EMC4: variants seen among roughly 807,000 people sequenced by gnomAD.
EMC4 encodes cell proliferation-inducing gene 17 protein.
EMC4 carries 9 observed loss-of-function variants against 24.2 expected under a neutral mutation model. The observed-to-expected ratio is 0.37, with a 90% confidence interval of 0.22 to 0.65. The LOEUF is 0.65. Among genes scored for constraint, EMC4 ranks in the 30% least tolerant of loss-of-function variants. The probability of loss-of-function intolerance (pLI) is 0.59; values close to 1 mark genes in which losing one functional copy is unlikely to be tolerated. For missense variants in EMC4, 169 were observed against 234.6 expected, an observed-to-expected ratio of 0.72 and a Z score of 1.83; for synonymous variants, 86 against 81.1, an observed-to-expected ratio of 1.06 and a Z score of -0.32.
Position 34,225,151 on chromosome 15 carries a change from C to T in EMC4, c.37C>T (p.Arg13Trp), listed in dbSNP as rs1890615647. 2 of 1,551,554 alleles carry T rather than the reference C, an allele frequency of 1.3e-6. No homozygotes were observed. The highest frequency in any genetic ancestry group is 1.7e-6 in the Non-Finnish European group (2 of 1,146,938). ...GGGGGGCCTGGTGGCTAACCGAGGCCGGCGCTTCAAGTGGGCCATTGAGCT... is the reference window on the plus strand; with the variant it reads ...GGGGGGCCTGGTGGCTAACCGAGGCTGGCGCTTCAAGTGGGCCATTGAGCT... Reference protein sequence around the residue: ...AQGGLVANRGRRFKWAIELSG... With the variant: ...AQGGLVANRGWRFKWAIELSG... The change falls in exon 1 of 5, where the codon CGG becomes TGG. Residue 13 changes from arginine to tryptophan, a missense_variant. Transcript: ENST00000267750.
chr15:34,227,526 C>T, intron 2 of EMC4, 167 bp from the exon 3 acceptor site: 1 of 615,478 alleles, frequency 1.6e-6, no homozygotes, highest in Non-Finnish European at 2.9e-6. Flanking sequence ...AGTAGGAGAG[C>T]CTTCCTGTGG....
chr15:34,226,545 T>A (rs2140593129), intron 2 of EMC4: 1 of 152,288 alleles, frequency 6.6e-6, no homozygotes, highest in African/African-American at 2.4e-5. Flanking sequence ...TGCCATTACT[T>A]TTTTTCTTTT....
At chr15:34,229,551 T>A in intron 4 of EMC4, 1 of 529,900 alleles carries the variant, frequency 1.9e-6, no homozygotes, top group East Asian at 3.3e-5. Flanking sequence ...CAGGCTGGTC[T>A]TGAACTCCTG....
chr15:34,228,624 G>A (rs1400345633), intron 4 of EMC4, 35 bp downstream of exon 4: 1 of 1,534,328 alleles, frequency 6.5e-7, no homozygotes, highest in South Asian at 1.2e-5. Flanking sequence ...TTGGGTAGTT[G>A]TAGTATACAG....
At chr15:34,228,044 G>T (rs772586119) in intron 3 of EMC4, 198 bp downstream of exon 3, 3 of 511,858 alleles carry the variant, frequency 5.9e-6, no homozygotes, top group East Asian at 3.5e-5. Context: ...TTAGCTGGGC[G>T]TGGTGGCACA....
intron 2 of EMC4, chr15:34,226,919 A>C (rs1176430220): frequency 2.0e-5 from 3 of 152,176 alleles, no homozygotes; most frequent in African/African-American, 7.2e-5. Flanking sequence ...TAAGGTTATA[A>C]ATTTCTCAGA....
rs1288781071 is a variant in EMC4 at position 34,227,780 on chromosome 15, T to C, written c.289T>C (p.Phe97Leu). ...CATGGCAGGCAATACTATCTCCATC[T>C]TCCCTACTATGATGGTGTGTATGAT... ...MYMAGNTISI[F>L]PTMMVCMMAW... Residue 97 changes from phenylalanine to leucine, a missense_variant, in exon 3 of 5, where the codon TTC becomes CTC. Coordinates refer to ENST00000267750, the MANE Select transcript of EMC4 (RefSeq NM_016454.4). 1 of 1,613,916 alleles carries C rather than the reference T, an allele frequency of 6.2e-7. No homozygotes were observed. The highest frequency in any genetic ancestry group is 8.5e-7 in the Non-Finnish European group (1 of 1,179,866).
chr15:34,225,056 C>G lies in EMC4; in HGVS notation c.-59C>G, dbSNP rs930037910. ...GACAAAGCGGAGAACGCTGGTGGGC[C>G]TGTTGTGGAGTACGCTTTGGACTGA... On this transcript the variant is annotated 5_prime_UTR_variant, in exon 1 of 5. Coordinates refer to ENST00000267750, the MANE Select transcript of EMC4 (RefSeq NM_016454.4). 4 of 1,374,584 alleles carry G rather than the reference C, an allele frequency of 2.9e-6. No individual in the cohort carries two copies. Among genetic ancestry groups the G allele is most frequent in the Admixed American group, 2.0e-5 (1 of 50,790 alleles). 85.1% of individuals were successfully genotyped at this position (1,374,584 alleles called of 1,614,324 possible).
intron 4 of EMC4, 27 bp downstream of exon 4, chr15:34,228,616 G>C (rs1379163829): frequency 6.3e-7 from 1 of 1,597,692 alleles, no homozygotes; most frequent in Admixed American, 1.7e-5. Flanking sequence ...GCTGAATTTT[G>C]GGTAGTTGTA....
chr15:34,225,481 G>A lies in EMC4; in HGVS notation c.87-55G>A, dbSNP rs1405330055. The A allele has an allele frequency of 2.3e-6, 3 of 1,323,454 alleles. No individual in the cohort carries two copies. In the African/African-American group the frequency reaches 4.3e-5, roughly 19 times the overall value. 82.0% of individuals were successfully genotyped at this position (1,323,454 alleles called of 1,614,324 possible). A position where few individuals can be genotyped will look rare whatever the true frequency, so the allele number is the denominator to read the frequency against. On this transcript the variant is annotated intron_variant, in intron 1 of 4. Coordinates refer to ENST00000267750, the MANE Select transcript of EMC4 (RefSeq NM_016454.4). ...TCCTATGATTGGTAGATCAGGAAAT[G>A]TGGGATAAGAAGTATCGGAGGTTGC...
chr15:34,225,245 T>C, intron 1 of EMC4, 45 bp downstream of exon 1: 1 of 1,451,502 alleles, frequency 6.9e-7, no homozygotes, highest in East Asian at 2.5e-5. Flanking sequence ...ATCCCAGAAC[T>C]GCACCAGAGT....
At chr15:34,228,682 G>GTT (rs1890726944) in intron 4 of EMC4, 93 bp downstream of exon 4, 6 of 567,520 alleles carry the variant, frequency 1.1e-5, no homozygotes, top group South Asian at 7.8e-5. Context: ...TGGTATTTGA[G>GTT]TTTCTTTTTT....
rs1327528317 is a variant in EMC4, at chr15:34,228,581, C to G, written c.508C>G (p.Pro170Ala). ...HASDWLAFIE[P>A]PERMEFSGGG... ...ATCGGATTGGTTAGCCTTCATTGAG[C>G]CCCCTGAGGTAAGGCAAAAGAAAAG... is the stretch of plus-strand genomic sequence containing the variant. The change falls in exon 4 of 5, where the codon CCC (proline) becomes GCC (alanine). Residue 170 changes from proline to alanine, a missense_variant. Pro to Ala is a conservative substitution (Grantham distance 27). Coordinates refer to ENST00000267750, the MANE Select transcript of EMC4 (RefSeq NM_016454.4). 17 of 1,611,856 alleles carry G rather than the reference C, an allele frequency of 1.1e-5. No individual in the cohort carries two copies. Among genetic ancestry groups the G allele is most frequent in the Non-Finnish European group, 1.4e-5 (17 of 1,179,408 alleles).
intron 3 of EMC4, 170 bp downstream of exon 3, chr15:34,228,016 C>T (rs1890691609): frequency 1.6e-6 from 1 of 631,152 alleles, no homozygotes; most frequent in East Asian, 3.2e-5. Flanking sequence ...AACCTTGTCT[C>T]TACTAAAAAT....
At chr15:34,228,695 T>C (rs1002491220) in intron 4 of EMC4, 106 bp downstream of exon 4, 16 of 1,031,722 alleles carry the variant, frequency 1.6e-5, no homozygotes, top group Middle Eastern at 3.0e-4. Context: ...TCTTTTTTTT[T>C]TTTTTTTTTT....
rs781556627 is a variant in EMC4, at chr15:34,227,724, A to G, written c.233A>G (p.Lys78Arg). 3 of 1,614,004 alleles carry G rather than the reference A, an allele frequency of 1.9e-6. No individual in the cohort carries two copies. The highest frequency in any genetic ancestry group is 1.7e-4 in the Middle Eastern group (1 of 6,056). Reference protein sequence around the residue: ...RCWDIALGPLKQIPMNLFIMY... With the variant: ...RCWDIALGPLRQIPMNLFIMY... ...TGGGACATCGCCTTGGGTCCCCTCA[A>G]ACAGATTCCCATGAATCTCTTCATC... The change falls in exon 3 of 5, where the codon AAA (lysine) becomes AGA (arginine). Residue 78 changes from lysine to arginine, a missense_variant. Coordinates refer to ENST00000267750, the MANE Select transcript of EMC4 (RefSeq NM_016454.4).
chr15:34,228,312 A>ATGG, intron 3 of EMC4, 117 bp from the exon 4 acceptor site: 3 of 1,056,154 alleles, frequency 2.8e-6, no homozygotes, highest in Non-Finnish European at 4.2e-6. Context: ...TTTGCCTTTA[A>ATGG]TGGTCCTATT....
At chr15:34,227,123 T>C (rs1890669125) in intron 2 of EMC4, 2 of 152,268 alleles carry the variant, frequency 1.3e-5, no homozygotes, top group African/African-American at 4.8e-5. Context: ...TTCTTTGAGA[T>C]TGACATTTTC....
Position 34,229,767 on chromosome 15 carries a change from T to C in EMC4, c.531T>C (p.Ser177=). 1 of 1,597,106 alleles carries C rather than the reference T, an allele frequency of 6.3e-7. No homozygotes were observed. The highest frequency in any genetic ancestry group is 8.5e-7 in the Non-Finnish European group (1 of 1,170,316). The change falls in exon 5 of 5, where the codon AGT becomes AGC. Residue 177 remains serine (S), a synonymous_variant. Transcript: ENST00000267750. ...TCTTCTTTCAGAGAATGGAGTTCAG[T>C]GGTGGAGGACTGCTTTTGTGAACAT... is the stretch of plus-strand genomic sequence containing the variant. ...FIEPPERMEF[S]GGGLLL
Sources: allele counts gnomAD v4.1 joint callset, GRCh38; gene constraint gnomAD v4.1.1; transcripts MANE v1.5; gene names NCBI Gene and HGNC (gene_info 2026-07-23, HGNC 2026-07-21).